Variants in SSH2 observed in about 807,000 individuals in gnomAD.
SSH2 encodes protein phosphatase Slingshot homolog 2.
SSH2 carries 37 observed loss-of-function variants against 135.2 expected under a neutral mutation model. The observed-to-expected ratio is 0.27, with a 90% confidence interval of 0.21 to 0.36. The LOEUF (loss-of-function observed/expected upper bound fraction) is 0.36. Among genes scored for constraint, SSH2 ranks in the 10% least tolerant of loss-of-function variants. SSH2 has a pLI of 1.00. For synonymous variants in SSH2, 628 were observed against 646.2 expected (o/e 0.97, Z 0.43); for missense variants, 1,408 against 1,765.3 (o/e 0.80, Z 3.63).
chr17:29,745,077 C>T (rs2040713543), intron 3 of SSH2, among the ~76,000 whole-genome samples: 2 of 152,052 alleles, frequency 1.3e-5, no homozygotes, highest in African/African-American at 2.4e-5. Context: ...ACACTGGTTA[C>T]TGTGCTATGT....
At chr17:29,929,713 G>A in intron 1 of SSH2, 2 of 592,376 alleles carry the variant, frequency 3.4e-6, no homozygotes, top group Admixed American at 3.0e-5. Context: ...TTCAGGGCGA[G>A]GATTGTGAGG....
intron 5 of SSH2, among the ~76,000 whole-genome samples, chr17:29,693,197 C>T (rs777316327): frequency 6.6e-6 from 1 of 152,052 alleles, no homozygotes; most frequent in African/African-American, 2.4e-5. Context: ...ATCCTCCTGC[C>T]TTGGCCTCCC....
intron 2 of SSH2, among the ~76,000 whole-genome samples, chr17:29,802,618 CAA>C (rs74267073): frequency 5.2e-5 from 3 of 57,380 alleles, no homozygotes; most frequent in Non-Finnish European, 7.0e-5. Context: ...ACTGTTTCTA[CAA>C]AAAAAAAAAA....
chr17:29,883,471 T>G (rs974355120), intron 1 of SSH2, among the ~76,000 whole-genome samples: 1 of 152,208 alleles, frequency 6.6e-6, no homozygotes, highest in Non-Finnish European at 1.5e-5. Context: ...TAGTCTTAAC[T>G]ATACATGACA....
rs368533850 is a variant in SSH2 at position 29,657,113 on chromosome 17, T to A, written c.1033-1506A>T. On this transcript the variant is annotated intron_variant, in intron 11 of 15. Coordinates refer to ENST00000540801, the MANE Select transcript of SSH2 (RefSeq NM_001282129.2). ...TCCTGAGTAGCTGGGATTATAGGCA[T>A]GCATCACCATGCCCAGCTGATTTTT... 1.4e-4 allele frequency among the ~76,000 whole-genome samples: 21 copies of A among 151,718 alleles called. No homozygotes were observed. In the East Asian group the frequency reaches 2.7e-3, roughly 20 times the overall value.
At chr17:29,926,264 T>C (rs1255162925) in intron 1 of SSH2, among the ~76,000 whole-genome samples, 2 of 151,286 alleles carry the variant, frequency 1.3e-5, no homozygotes, top group African/African-American at 2.4e-5. Flanking sequence ...ATAGGCCAGG[T>C]GTGGTGGCTC....
intron 2 of SSH2, among the ~76,000 whole-genome samples, chr17:29,815,174 G>C (rs2042534567): frequency 6.7e-6 from 1 of 148,288 alleles, no homozygotes. Context: ...CCCCAGGCTG[G>C]AGTGCAGTGG....
chr17:29,632,462 T>C lies in SSH2; in HGVS notation c.2732A>G (p.His911Arg), dbSNP rs138401180. ...TGAGGTACATGTTGGGGCAGCACCA[T>C]GATGCTCTTGCTCCTGCCGTAAGCG... ...EERLRQEQEH[H>R]GAAPTCTSLS... Residue 911 changes from histidine to arginine, a missense_variant, in exon 16 of 16, where the codon CAT (histidine) becomes CGT (arginine). His to Arg is a conservative substitution (Grantham distance 29). Coordinates refer to ENST00000540801, the MANE Select transcript of SSH2 (RefSeq NM_001282129.2). 82 of 1,614,120 alleles carry C rather than the reference T, an allele frequency of 5.1e-5. No homozygotes were observed. The highest frequency in any genetic ancestry group is 6.6e-5 in the Non-Finnish European group (78 of 1,180,048).
At chr17:29,719,349 G>C (rs1055568803) in intron 3 of SSH2, among the ~76,000 whole-genome samples, 4 of 151,982 alleles carry the variant, frequency 2.6e-5, no homozygotes, top group African/African-American at 9.7e-5. Flanking sequence ...GTGAAATAAA[G>C]TTAAAGAGGA....
intron 1 of SSH2, among the ~76,000 whole-genome samples, chr17:29,898,583 G>A (rs184926025): frequency 1.5e-3 from 232 of 152,328 alleles, no homozygotes; most frequent in African/African-American, 5.2e-3. Context: ...ACACCAGGAA[G>A]AAGCTGAATC....
intron 13 of SSH2, among the ~76,000 whole-genome samples, chr17:29,650,181 A>C (rs982152251): frequency 1.3e-5 from 2 of 152,252 alleles, no homozygotes; most frequent in African/African-American, 4.8e-5. Context: ...AGACATCAAC[A>C]GAAGGGCCAC....
chr17:29,764,060 G>A (rs1028556370), intron 3 of SSH2, among the ~76,000 whole-genome samples: 1 of 150,626 alleles, frequency 6.6e-6, no homozygotes, highest in Non-Finnish European at 1.5e-5. Flanking sequence ...AGTGATTCTC[G>A]TGCCTCGGCT....
chr17:29,761,879 A>ATTTT (rs1332835041), intron 3 of SSH2, among the ~76,000 whole-genome samples: 1 of 116,192 alleles, frequency 8.6e-6, no homozygotes, highest in African/African-American at 4.4e-5. Flanking sequence ...GTGTATATAT[A>ATTTT]TATATATATT....
intron 7 of SSH2, among the ~76,000 whole-genome samples, chr17:29,677,406 C>T (rs984020247): frequency 3.9e-5 from 6 of 152,144 alleles, no homozygotes; most frequent in African/African-American, 1.4e-4. Flanking sequence ...GCAACAGTCC[C>T]ACATACTCAG....
At chr17:29,911,156 T>C (rs1235578979) in intron 1 of SSH2, among the ~76,000 whole-genome samples, 1 of 152,200 alleles carries the variant, frequency 6.6e-6, no homozygotes, top group Non-Finnish European at 1.5e-5. Context: ...TATGCTAAGC[T>C]GAATATGCGC....
chr17:29,755,717 A>G (rs1335764193), intron 3 of SSH2, among the ~76,000 whole-genome samples: 2 of 149,046 alleles, frequency 1.3e-5, no homozygotes, highest in Non-Finnish European at 3.0e-5. Flanking sequence ...GCTGGAGTGC[A>G]GTGGCACGAT....
At chr17:29,796,022 C>T (rs564438097) in intron 2 of SSH2, among the ~76,000 whole-genome samples, 62 of 152,260 alleles carry the variant, frequency 4.1e-4, no homozygotes, top group African/African-American at 1.4e-3. Context: ...GGATTATAGG[C>T]GTGAGCCACC....
In SSH2 at chr17:29,701,887, A is replaced by T. The variant is rs771271932; in HGVS notation, c.292+1072T>A. On this transcript the variant is annotated intron_variant, in intron 4 of 15. Coordinates refer to ENST00000540801, the MANE Select transcript of SSH2 (RefSeq NM_001282129.2). The stretch of plus-strand genomic sequence containing the variant: ...TGCCTGGCCACATTTGGCTAATTTA[A>T]AATTTTTTTTTTTTTTTTTTTGTAG... 3.6e-3 allele frequency among the ~76,000 whole-genome samples: 529 copies of T among 145,806 alleles called. 5 individuals are homozygous for T. The highest frequency in any genetic ancestry group is 4.2e-3 in the Non-Finnish European group (282 of 67,014).
intron 3 of SSH2, among the ~76,000 whole-genome samples, chr17:29,712,567 G>A (rs992469948): frequency 6.6e-6 from 1 of 152,206 alleles, no homozygotes; most frequent in Non-Finnish European, 1.5e-5. Flanking sequence ...ACTTTGGAAG[G>A]CCAAGGTGGG....
Sources: allele counts gnomAD v4.1 joint callset (sites outside exome capture counted in the v4.1 genomes callset), GRCh38; gene constraint gnomAD v4.1.1; transcripts MANE v1.5; gene names NCBI Gene and HGNC (gene_info 2026-07-23, HGNC 2026-07-21).